ADK: variants seen among roughly 807,000 people sequenced by gnomAD.
The protein encoded by ADK is adenosine kinase, also known as N6,N6-dimethyladenosine kinase.
Under a neutral mutation model 44.7 loss-of-function variants are expected in ADK, and 24 were observed. The ratio of observed to expected loss-of-function variants is 0.54; its 90% CI spans 0.39 to 0.76. The LOEUF is 0.76. ADK is among the 30% of genes least tolerant of loss of function. ADK has a pLI of 0.00. For missense variants in ADK, 321 were observed against 425.1 expected, an observed-to-expected ratio of 0.76 and a Z score of 2.15; for synonymous variants, 128 against 142.6, an observed-to-expected ratio of 0.90 and a Z score of 0.73.
intron 2 of ADK, among the ~76,000 whole-genome samples, chr10:74,222,388 T>G (rs1470487863): frequency 4.6e-5 from 7 of 151,228 alleles, no homozygotes; most frequent in Non-Finnish European, 3.0e-5. Flanking sequence ...TGTGGAGAAA[T>G]AGGAACACTT....
At chr10:74,244,324 G>T (rs1349858254) in intron 3 of ADK, among the ~76,000 whole-genome samples, 26 of 152,170 alleles carry the variant, frequency 1.7e-4, no homozygotes, top group Admixed American at 1.6e-3. Context: ...TAGGAAAAAT[G>T]AATATAGAAC....
chr10:74,618,452 A>G (rs1238527183), intron 9 of ADK, among the ~76,000 whole-genome samples: 1 of 151,900 alleles, frequency 6.6e-6, no homozygotes, highest in African/African-American at 2.4e-5. Flanking sequence ...CATCATACCC[A>G]GCTAGTTTTT....
chr10:74,369,626 A>G (rs1319026280), intron 4 of ADK, among the ~76,000 whole-genome samples: 1 of 152,216 alleles, frequency 6.6e-6, no homozygotes, highest in Admixed American at 6.5e-5. Flanking sequence ...AACTGGTGAT[A>G]GAGAGGAACT....
At chr10:74,256,011 A>C (rs1433957355) in intron 3 of ADK, among the ~76,000 whole-genome samples, 1 of 152,186 alleles carries the variant, frequency 6.6e-6, no homozygotes, top group Non-Finnish European at 1.5e-5. Context: ...GAGGGAGTAC[A>C]AAATCCTTTG....
chr10:74,548,214 C>T (rs10740439), intron 7 of ADK, among the ~76,000 whole-genome samples: 110,105 of 151,990 alleles, frequency 0.72, 40,597 homozygotes, highest in Middle Eastern at 0.86. Context: ...TGTTTGTTTT[C>T]TTTTCAGTAT....
chr10:74,535,226 T>G (rs1468384469), intron 7 of ADK, among the ~76,000 whole-genome samples: 2 of 152,132 alleles, frequency 1.3e-5, no homozygotes, highest in Non-Finnish European at 2.9e-5. Context: ...TTTGGGAGGT[T>G]GAAGTGGGAG....
At chr10:74,338,365 A>G (rs956756515) in intron 4 of ADK, among the ~76,000 whole-genome samples, 4 of 152,334 alleles carry the variant, frequency 2.6e-5, no homozygotes, top group East Asian at 3.9e-4. Context: ...GGCATTTTTA[A>G]TAAAATTAAA....
At chr10:74,665,992 T>G (rs1341811694) in intron 9 of ADK, among the ~76,000 whole-genome samples, 2 of 152,196 alleles carry the variant, frequency 1.3e-5, no homozygotes. Context: ...TGAGGTTGTG[T>G]GTATCTAGTG....
chr10:74,561,440 A>G (rs892314413), intron 7 of ADK, among the ~76,000 whole-genome samples: 3 of 152,234 alleles, frequency 2.0e-5, no homozygotes, highest in Non-Finnish European at 4.4e-5. Flanking sequence ...ATGATGAAGA[A>G]TATGAATCAA....
intron 4 of ADK, among the ~76,000 whole-genome samples, chr10:74,344,388 C>T (rs377335278): frequency 2.7e-4 from 41 of 152,234 alleles, no homozygotes; most frequent in Middle Eastern, 3.4e-3. Flanking sequence ...TGATTATTCC[C>T]GGTAAATAGG....
chr10:74,461,814 C>A (rs1292879089), intron 6 of ADK, among the ~76,000 whole-genome samples: 2 of 151,642 alleles, frequency 1.3e-5, no homozygotes, highest in Admixed American at 1.3e-4. Context: ...AATGAAATAT[C>A]TTATCTGTAC....
At chr10:74,153,275 G>A (rs4746177) in intron 1 of ADK, among the ~76,000 whole-genome samples, 30,394 of 152,072 alleles carry the variant, frequency 0.2, 4,018 homozygotes, top group African/African-American at 0.38. Context: ...GACATTTGGC[G>A]TGGTCTAGAA....
chr10:74,230,046 C>A, intron 3 of ADK, among the ~76,000 whole-genome samples: 1 of 116,184 alleles, frequency 8.6e-6, no homozygotes, highest in Non-Finnish European at 1.8e-5. Flanking sequence ...TTAAAAGAAT[C>A]TTTTTTTTTT....
intron 1 of ADK, among the ~76,000 whole-genome samples, chr10:74,195,183 G>T (rs1459460605): frequency 6.6e-6 from 1 of 151,734 alleles, no homozygotes; most frequent in East Asian, 1.9e-4. Context: ...ATCCCAGTAC[G>T]GGTTAGTCAT....
At chr10:74,156,285 C>CTT (rs145121910) in intron 1 of ADK, among the ~76,000 whole-genome samples, 3 of 151,984 alleles carry the variant, frequency 2.0e-5, no homozygotes, top group African/African-American at 7.3e-5. Flanking sequence ...TGATGTGCTG[C>CTT]TTTTTTTTAC....
intron 7 of ADK, among the ~76,000 whole-genome samples, chr10:74,541,406 A>G (rs1181933210): frequency 6.6e-6 from 1 of 152,190 alleles, no homozygotes; most frequent in Non-Finnish European, 1.5e-5. Context: ...TGACTGATCC[A>G]GATCCAGTCC....
chr10:74,225,146 C>T (rs1057405106), intron 3 of ADK, among the ~76,000 whole-genome samples: 1 of 152,314 alleles, frequency 6.6e-6, no homozygotes, highest in African/African-American at 2.4e-5. Flanking sequence ...GGCGCAATCT[C>T]GGCTCATTGC....
chr10:74,547,504 A>C (rs1346948375), intron 7 of ADK, among the ~76,000 whole-genome samples: 1 of 124,786 alleles, frequency 8.0e-6, no homozygotes, highest in African/African-American at 2.9e-5. Context: ...TTTTTTGGAG[A>C]CAGAGCCTTG....
chr10:74,461,258 T>C (rs1301634449), intron 6 of ADK, among the ~76,000 whole-genome samples: 1 of 152,186 alleles, frequency 6.6e-6, no homozygotes, highest in Non-Finnish European at 1.5e-5. Flanking sequence ...ATATAGTTCT[T>C]GCTTTACTCA....
Sources: gnomAD v4.1 joint callset for allele counts (sites outside exome capture counted in the v4.1 genomes callset) on GRCh38, gnomAD v4.1.1 for gene constraint, MANE v1.5 for transcripts, NCBI Gene and HGNC (gene_info 2026-07-23, HGNC 2026-07-21) for gene names.